Variants in PPIL4 observed in about 807,000 individuals in gnomAD.
PPIL4 encodes peptidyl-prolyl cis-trans isomerase-like 4.
A neutral mutation model predicts 69.1 loss-of-function variants in PPIL4; 50 were observed. The ratio of observed to expected loss-of-function variants is 0.72; its 90% CI spans 0.58 to 0.92. The LOEUF (loss-of-function observed/expected upper bound fraction) is 0.92, where lower values mean the gene tolerates loss of function less well. Ranked by LOEUF, PPIL4 falls within the 40% of genes least tolerant of loss-of-function variation. The pLI is 0.00. For synonymous variants in PPIL4, 193 were observed against 191.6 expected (o/e 1.01, Z -0.06); for missense variants, 480 against 587.9 (o/e 0.82, Z 1.90).
At chr6:149,535,823 T>A in intron 4 of PPIL4, 85 bp from the exon 5 acceptor site, 1 of 935,360 alleles carries the variant, frequency 1.1e-6, no homozygotes, top group Admixed American at 2.6e-5. Context: ...AAAAAATACA[T>A]GAAAGTTAAG....
At chr6:149,517,499 C>T (rs1465632070) in intron 10 of PPIL4, 49 bp from the exon 11 acceptor site, 1 of 817,134 alleles carries the variant, frequency 1.2e-6, no homozygotes, top group East Asian at 2.6e-5. Context: ...AACCACCTAA[C>T]CAAGAACAAT....
intron 11 of PPIL4, among the ~76,000 whole-genome samples, chr6:149,514,878 C>T (rs1776917401): frequency 6.6e-6 from 1 of 151,008 alleles, no homozygotes; most frequent in Admixed American, 6.6e-5. Context: ...CTCTTGTTGC[C>T]CAGGCTGGAG....
At chr6:149,518,481 G>A (rs1273642552) in intron 10 of PPIL4, among the ~76,000 whole-genome samples, 7 of 152,222 alleles carry the variant, frequency 4.6e-5, no homozygotes, top group African/African-American at 1.7e-4. Flanking sequence ...GGTACAGACA[G>A]AGGTTTTGAC....
At chr6:149,540,352 C>T (rs963607519) in intron 4 of PPIL4, among the ~76,000 whole-genome samples, 1 of 152,150 alleles carries the variant, frequency 6.6e-6, no homozygotes, top group African/African-American at 2.4e-5. Flanking sequence ...CGCGGTGGCT[C>T]ACGCCTGTAA....
intron 7 of PPIL4, among the ~76,000 whole-genome samples, chr6:149,527,824 A>G (rs1777130791): frequency 6.6e-6 from 1 of 152,228 alleles, no homozygotes. Flanking sequence ...TGATAAGATC[A>G]CCTGTAAAGT....
intron 12 of PPIL4, among the ~76,000 whole-genome samples, chr6:149,507,629 G>A (rs1046323643): frequency 6.6e-6 from 1 of 152,094 alleles, no homozygotes; most frequent in Non-Finnish European, 1.5e-5. Flanking sequence ...TTATACAAAT[G>A]GGCACTTAAG....
intron 4 of PPIL4, among the ~76,000 whole-genome samples, chr6:149,538,441 C>T (rs1241868082): frequency 6.6e-6 from 1 of 151,932 alleles, no homozygotes; most frequent in Non-Finnish European, 1.5e-5. Flanking sequence ...ACTTGAGCAA[C>T]GTAGTGAGGC....
At chr6:149,509,688 A>G (rs1776814650) in intron 12 of PPIL4, among the ~76,000 whole-genome samples, 1 of 152,208 alleles carries the variant, frequency 6.6e-6, no homozygotes, top group African/African-American at 2.4e-5. Flanking sequence ...TTTAGGAAAG[A>G]AAACTGATGA....
At chr6:149,511,422 CT>C (rs767132903) in intron 12 of PPIL4, among the ~76,000 whole-genome samples, 11 of 147,012 alleles carry the variant, frequency 7.5e-5, no homozygotes, top group Non-Finnish European at 1.3e-4. Context: ...TGTGTGTGTA[CT>C]TTTTGTCAAG....
At chr6:149,543,007 G>T (rs1057357701) in intron 1 of PPIL4, among the ~76,000 whole-genome samples, 2 of 152,232 alleles carry the variant, frequency 1.3e-5, no homozygotes, top group Admixed American at 6.5e-5. Flanking sequence ...GATAGGGGTG[G>T]TCCTTTTACT....
intron 1 of PPIL4, among the ~76,000 whole-genome samples, chr6:149,544,830 G>A (rs1360877676): frequency 6.6e-6 from 1 of 152,164 alleles, no homozygotes; most frequent in Non-Finnish European, 1.5e-5. Context: ...GAGGGAAAGC[G>A]GAGCACGGCA....
intron 6 of PPIL4, 151 bp downstream of exon 6, chr6:149,534,527 C>A: frequency 4.0e-6 from 2 of 501,882 alleles, no homozygotes; most frequent in Non-Finnish European, 6.9e-6. Flanking sequence ...AAATGAGTAC[C>A]TCTGTGGAAA....
intron 10 of PPIL4, among the ~76,000 whole-genome samples, chr6:149,520,581 G>A (rs866396805): frequency 1.3e-3 from 202 of 149,730 alleles, no homozygotes; most frequent in Middle Eastern, 3.4e-3. Flanking sequence ...GCATGTGTGT[G>A]CACACACACA....
At position 149,546,040 on chromosome 6, in the gene PPIL4, G is replaced by A. The variant is rs1371689478; in HGVS notation, c.-35C>T. ...TCCTCCTCCGCTACAAACCCCGGGA[G>A]GAGGGGGGTGACAGGCGCAGGCCGA... On this transcript the variant is annotated 5_prime_UTR_variant, in exon 1 of 13. Transcript: ENST00000253329. 3 of 1,551,152 alleles carry A rather than the reference G, an allele frequency of 1.9e-6. No homozygotes were observed. Among genetic ancestry groups the A allele is most frequent in the African/African-American group, 2.7e-5 (2 of 73,220 alleles).
At chr6:149,538,720 G>A (rs902251411) in intron 4 of PPIL4, among the ~76,000 whole-genome samples, 1 of 152,228 alleles carries the variant, frequency 6.6e-6, no homozygotes, top group Non-Finnish European at 1.5e-5. Flanking sequence ...TGCAAATGTG[G>A]TGGAAACTGC....
At chr6:149,527,115 T>C (rs968667936) in intron 7 of PPIL4, among the ~76,000 whole-genome samples, 10 of 152,200 alleles carry the variant, frequency 6.6e-5, no homozygotes, top group Non-Finnish European at 1.5e-4. Context: ...TCCCAGCACT[T>C]TGGGAGGCCA....
chr6:149,514,765 A>AGTGTGTGT (rs36117544), intron 11 of PPIL4, among the ~76,000 whole-genome samples: 21 of 149,456 alleles, frequency 1.4e-4, no homozygotes, highest in African/African-American at 4.9e-4. Flanking sequence ...TTTTGGTTCA[A>AGTGTGTGT]GTGTGTGTGT....
At chr6:149,525,957 G>A (rs959296240) in intron 8 of PPIL4, among the ~76,000 whole-genome samples, 49 of 152,032 alleles carry the variant, frequency 3.2e-4, no homozygotes, top group African/African-American at 1.2e-3. Flanking sequence ...AAATTAGCTG[G>A]GCGTGTTGGC....
intron 11 of PPIL4, among the ~76,000 whole-genome samples, chr6:149,516,411 T>C (rs956541690): frequency 3.3e-5 from 5 of 152,132 alleles, no homozygotes; most frequent in East Asian, 1.9e-4. Context: ...AACATGAATA[T>C]AGACCAGGTC....
Sources: allele counts gnomAD v4.1 joint callset (sites outside exome capture counted in the v4.1 genomes callset), GRCh38; gene constraint gnomAD v4.1.1; transcripts MANE v1.5; gene names NCBI Gene and HGNC (gene_info 2026-07-23, HGNC 2026-07-21).